Variants in SMCO2 observed in about 807,000 individuals in gnomAD.
SMCO2 encodes the protein single-pass membrane and coiled-coil domain-containing protein 2.
In SMCO2, 25 loss-of-function variants were observed where a neutral mutation model predicts 29.5. The ratio of observed to expected loss-of-function variants is 0.85; its 90% CI spans 0.62 to 1.18. SMCO2 has a LOEUF of 1.18. Ranked by LOEUF, SMCO2 falls within the 50% of genes most tolerant of loss-of-function variation. The pLI, the probability that SMCO2 is intolerant of heterozygous loss-of-function variation, is 0.00. For synonymous variants in SMCO2, 117 were observed against 123.3 expected, an observed-to-expected ratio of 0.95 and a Z score of 0.34; for missense variants, 348 against 344.5, an observed-to-expected ratio of 1.01 and a Z score of -0.08.
chr12:27,468,087 T>C (rs1279295268), intron 1 of SMCO2, among the ~76,000 whole-genome samples: 1 of 152,194 alleles, frequency 6.6e-6, no homozygotes, highest in Non-Finnish European at 1.5e-5. Context: ...AGTATTACTA[T>C]TGTTAGCCCC....
intron 3 of SMCO2, among the ~76,000 whole-genome samples, chr12:27,474,030 T>A (rs1366407755): frequency 1.3e-5 from 2 of 152,236 alleles, no homozygotes; most frequent in Non-Finnish European, 2.9e-5. Context: ...CTCTTTTTGA[T>A]ATGAAACAGT....
At chr12:27,496,288 G>A (rs1447126374) in intron 7 of SMCO2, among the ~76,000 whole-genome samples, 1 of 150,162 alleles carries the variant, frequency 6.7e-6, no homozygotes, top group Non-Finnish European at 1.5e-5. Context: ...CTTCCATGAT[G>A]GCTGCAAATA....
At chr12:27,437,259 A>G in the SMCO2 span, among the ~76,000 whole-genome samples, 2 of 152,146 alleles carry the variant, frequency 1.3e-5, no homozygotes, top group Admixed American at 6.5e-5. Flanking sequence ...TGACAGAGAA[A>G]GACCTTGTCT....
chr12:27,439,680 G>T, the SMCO2 span, among the ~76,000 whole-genome samples: 3 of 152,032 alleles, frequency 2.0e-5, no homozygotes, highest in East Asian at 5.8e-4. Flanking sequence ...CAGAAATCTT[G>T]GAACTGAGAA....
At chr12:27,467,777 T>G (rs536088482) in intron 1 of SMCO2, among the ~76,000 whole-genome samples, 1 of 152,272 alleles carries the variant, frequency 6.6e-6, no homozygotes, top group Non-Finnish European at 1.5e-5. Flanking sequence ...AGGTCATCTC[T>G]GTGTTCCAGT....
chr12:27,458,972 T>G, the SMCO2 span, among the ~76,000 whole-genome samples: 13,661 of 149,710 alleles, frequency 0.091, 1,044 homozygotes, highest in African/African-American at 0.21. Context: ...CAGATCACGA[T>G]GTCAGAAGAT....
intron 4 of SMCO2, among the ~76,000 whole-genome samples, chr12:27,478,847 C>G (rs138683926): frequency 6.6e-6 from 1 of 152,156 alleles, no homozygotes; most frequent in East Asian, 1.9e-4. Context: ...GCTGGCAACA[C>G]GGGGGGCGGG....
At chr12:27,447,096 G>C in the SMCO2 span, among the ~76,000 whole-genome samples, 1 of 152,102 alleles carries the variant, frequency 6.6e-6, no homozygotes, top group Non-Finnish European at 1.5e-5. Flanking sequence ...ATCCGATAAA[G>C]GAACTCATCA....
At chr12:27,480,147 A>C (rs1039128778) in intron 4 of SMCO2, among the ~76,000 whole-genome samples, 2 of 152,246 alleles carry the variant, frequency 1.3e-5, no homozygotes, top group Admixed American at 1.3e-4. Flanking sequence ...AGAGGAAGCA[A>C]GTGTCCAGCA....
At chr12:27,456,497 T>G in the SMCO2 span, among the ~76,000 whole-genome samples, 5 of 152,210 alleles carry the variant, frequency 3.3e-5, no homozygotes, top group Admixed American at 2.0e-4. Context: ...TTGCCCAGGC[T>G]GGAATCAAAC....
chr12:27,494,165 G>A (rs971429728), intron 5 of SMCO2, 135 bp from the exon 7 acceptor site: 1 of 510,626 alleles, frequency 2.0e-6, no homozygotes, highest in Non-Finnish European at 3.4e-6. Flanking sequence ...TTTGCTCTAA[G>A]AGGAAGAAGT....
At chr12:27,447,898 A>G in the SMCO2 span, among the ~76,000 whole-genome samples, 1 of 152,034 alleles carries the variant, frequency 6.6e-6, no homozygotes, top group African/African-American at 2.4e-5. Context: ...GAGCCCCAGA[A>G]ACTCAGCCGA....
the SMCO2 span, among the ~76,000 whole-genome samples, chr12:27,457,182 C>A: frequency 2.0e-5 from 3 of 152,134 alleles, no homozygotes; most frequent in Admixed American, 2.0e-4. Context: ...TAACAACCCT[C>A]CCCTGAACCC....
rs1402234622 is a variant in SMCO2, at chr12:27,494,282, T to C, written c.451-18T>C. 7.0e-7 allele frequency: 1 copy of C among 1,438,824 alleles called. No individual in the cohort carries two copies. Among genetic ancestry groups the C allele is most frequent in the Non-Finnish European group, 9.2e-7 (1 of 1,084,766 alleles). 89.1% of individuals were successfully genotyped at this position (1,438,824 alleles called of 1,614,324 possible). ...AATATAAGTTTCATTTTACCCAGAA[T>C]TGTGGATGTGTTTTTAGGTGAATAC... On this transcript the variant is annotated intron_variant, in intron 5 of 7. Transcript: ENST00000298876.
chr12:27,465,472 A>G (rs1219204451), upstream of SMCO2, among the ~76,000 whole-genome samples: 1 of 152,164 alleles, frequency 6.6e-6, no homozygotes, highest in Admixed American at 6.5e-5. Flanking sequence ...AGGGCTGTTG[A>G]TGGAGTCTGG....
At chr12:27,484,403 T>C (rs1265710975) in intron 4 of SMCO2, among the ~76,000 whole-genome samples, 2 of 152,002 alleles carry the variant, frequency 1.3e-5, no homozygotes, top group Non-Finnish European at 2.9e-5. Context: ...CCCAAAACTA[T>C]CTTCTGTGAT....
At chr12:27,484,236 C>G (rs151156490) in intron 4 of SMCO2, among the ~76,000 whole-genome samples, 99 of 152,102 alleles carry the variant, frequency 6.5e-4, no homozygotes, top group Admixed American at 5.8e-3. Flanking sequence ...ACTAAAAATA[C>G]AAAAATTAGC....
chr12:27,477,003 T>G (rs1211084219), intron 4 of SMCO2, among the ~76,000 whole-genome samples: 3 of 152,112 alleles, frequency 2.0e-5, no homozygotes, highest in African/African-American at 7.2e-5. Flanking sequence ...CTCTTTCTCA[T>G]TTGTATATCT....
chr12:27,457,986 T>C, the SMCO2 span, among the ~76,000 whole-genome samples: 1 of 152,214 alleles, frequency 6.6e-6, no homozygotes, highest in Non-Finnish European at 1.5e-5. Flanking sequence ...CCTCACATAT[T>C]TGCAGCTTCC....
Sources: gnomAD v4.1 joint callset for allele counts (sites outside exome capture counted in the v4.1 genomes callset) on GRCh38, gnomAD v4.1.1 for gene constraint, MANE v1.5 for transcripts, NCBI Gene and HGNC (gene_info 2026-07-23, HGNC 2026-07-21) for gene names.